The following ANXA2 variants were observed in gnomAD, a reference collection of about 807,000 sequenced individuals.
The protein encoded by ANXA2 is annexin A2.
A neutral mutation model predicts 47.3 loss-of-function variants in ANXA2; 28 were observed. The observed-to-expected ratio is 0.59, with a 90% confidence interval of 0.44 to 0.81. The LOEUF (loss-of-function observed/expected upper bound fraction) is 0.81, where lower values mean the gene tolerates loss of function less well. Among genes scored for constraint, ANXA2 ranks in the 40% least tolerant of loss-of-function variants. The pLI is 0.00. For missense variants in ANXA2, 384 were observed against 414.3 expected, an observed-to-expected ratio of 0.93 and a Z score of 0.64; for synonymous variants, 172 against 155.5, an observed-to-expected ratio of 1.11 and a Z score of -0.79.
chr15:60,372,252 C>T (rs2140879959), intron 3 of ANXA2, among the ~76,000 whole-genome samples: 1 of 152,234 alleles, frequency 6.6e-6, no homozygotes, highest in East Asian at 1.9e-4. Flanking sequence ...TCACCACACC[C>T]ATCTGAGGTG....
At chr15:60,369,689 G>A (rs909950144) in intron 3 of ANXA2, among the ~76,000 whole-genome samples, 2 of 152,204 alleles carry the variant, frequency 1.3e-5, no homozygotes, top group African/African-American at 4.8e-5. Flanking sequence ...ACTTGGGACC[G>A]AGGAAGCAGC....
At chr15:60,368,347 T>TAAAAAG (rs1566939519) in intron 3 of ANXA2, among the ~76,000 whole-genome samples, 8 of 149,362 alleles carry the variant, frequency 5.4e-5, no homozygotes, top group East Asian at 3.9e-4. Context: ...AAAATAAAAA[T>TAAAAAG]AAATCCAATT....
chr15:60,367,274 T>A (rs1364179126), intron 3 of ANXA2, among the ~76,000 whole-genome samples: 101 of 85,586 alleles, frequency 1.2e-3, no homozygotes, highest in South Asian at 2.4e-3. Flanking sequence ...GGTGGGGGGA[T>A]CAGCCCCCCG....
At chr15:60,389,416 G>A (rs1018554782) in intron 1 of ANXA2, among the ~76,000 whole-genome samples, 1 of 152,142 alleles carries the variant, frequency 6.6e-6, no homozygotes. Context: ...TGTCTTTCCA[G>A]CTCTGAGCTT....
At chr15:60,383,639 G>A (rs1194899821) in intron 2 of ANXA2, 1 of 152,202 alleles carries the variant, frequency 6.6e-6, no homozygotes, top group Non-Finnish European at 1.5e-5. Flanking sequence ...GTACATTGTG[G>A]TTGTGGTTGG....
chr15:60,361,123 T>A (rs2140826389), intron 4 of ANXA2, 69 bp from the exon 5 acceptor site: 1 of 1,074,856 alleles, frequency 9.3e-7, no homozygotes, highest in Non-Finnish European at 1.4e-6. Flanking sequence ...AAAACAAAAG[T>A]AAGAGGGATC....
rs1361922179 is a variant in ANXA2, at chr15:60,397,949, C to A, written c.-18G>T. 2.3e-5 allele frequency: 30 copies of A among 1,286,616 alleles called. No homozygotes were observed. The highest frequency in any genetic ancestry group is 2.9e-5 in the Non-Finnish European group (29 of 1,015,768). The allele number at this position is 1,286,616 out of a possible 1,614,324, so 79.7% of individuals were successfully genotyped here. A position where few individuals can be genotyped will look rare whatever the true frequency, so the allele number is the denominator to read the frequency against. ...CAGGGCGCGCCCCGCTTACCTGGGC[C>A]GTGCGCCGAGAGCTGAGAGCGTCCC... On this transcript the variant is annotated 5_prime_UTR_variant, in exon 1 of 13. Coordinates refer to ENST00000451270, the MANE Select transcript of ANXA2 (RefSeq NM_004039.3).
chr15:60,351,835 A>C lies in ANXA2; in HGVS notation c.683-16T>G. The C allele has an allele frequency of 6.4e-7, 1 of 1,561,904 alleles. No homozygotes were observed. Among genetic ancestry groups the C allele is most frequent in the African/African-American group, 1.4e-5 (1 of 73,932 alleles). ...CTATCAAATACTGAGGAAAAACAAC[A>C]AAGAGTTATCAGATCCGAGCCACTA... is the stretch of plus-strand genomic sequence containing the variant. On this transcript the variant is annotated splice_polypyrimidine_tract_variant and intron_variant, in intron 9 of 12. Transcript: ENST00000451270.
chr15:60,367,559 A>G (rs1347159543), intron 3 of ANXA2, among the ~76,000 whole-genome samples: 1 of 37,644 alleles, frequency 2.7e-5, no homozygotes, highest in African/African-American at 1.4e-4. Context: ...TCCGGGAGGG[A>G]GGTGGGGGGG....
intron 3 of ANXA2, among the ~76,000 whole-genome samples, chr15:60,381,436 G>A (rs1327206917): frequency 1.3e-5 from 2 of 152,130 alleles, no homozygotes; most frequent in Non-Finnish European, 1.5e-5. Context: ...GGGATTCAGG[G>A]GATGGGACAA....
intron 1 of ANXA2, 108 bp downstream of exon 1, chr15:60,397,835 G>T: frequency 1.5e-6 from 2 of 1,368,530 alleles, no homozygotes; most frequent in African/African-American, 3.0e-5. Flanking sequence ...GACGGCCTCC[G>T]GGGCCAGTTG....
At chr15:60,394,333 C>T (rs1255815121) in intron 1 of ANXA2, among the ~76,000 whole-genome samples, 2 of 152,160 alleles carry the variant, frequency 1.3e-5, no homozygotes, top group African/African-American at 4.8e-5. Flanking sequence ...GAAATTTCTA[C>T]ACCACACCTG....
chr15:60,364,503 C>A lies in ANXA2; in HGVS notation c.169G>T (p.Val57Phe), dbSNP rs1366284187. ...TTGCTGCGGTTGGTCAAAATGTTGA[C>A]AATGGTGACCTCATCCACACCTATG... ...KTKGVDEVTI[V>F]NILTNRSNAQ... The change falls in exon 4 of 13, where the codon GTC (valine) becomes TTC (phenylalanine). Residue 57 changes from valine (V) to phenylalanine (F), a missense_variant. Val to Phe is a conservative substitution (Grantham distance 50). Coordinates refer to ENST00000451270, the MANE Select transcript of ANXA2 (RefSeq NM_004039.3). 6.2e-7 allele frequency: 1 copy of A among 1,613,138 alleles called. No homozygotes were observed. The highest frequency in any genetic ancestry group is 1.3e-5 in the African/African-American group (1 of 74,870).
chr15:60,386,274 G>C (rs2062932305), intron 1 of ANXA2, 188 bp from the exon 2 acceptor site: 1 of 572,614 alleles, frequency 1.7e-6, no homozygotes, highest in Admixed American at 3.4e-5. Context: ...GTCTGCCTTG[G>C]GTTGGGATGG....
intron 1 of ANXA2, chr15:60,393,022 CTTTA>C (rs776938433): frequency 8.6e-6 from 11 of 1,285,124 alleles, no homozygotes; most frequent in South Asian, 7.5e-5. Flanking sequence ...CCTACTGCAT[CTTTA>C]TTTATCAGAA....
intron 3 of ANXA2, among the ~76,000 whole-genome samples, chr15:60,378,994 A>T (rs1220384005): frequency 6.6e-6 from 1 of 151,404 alleles, no homozygotes; most frequent in Non-Finnish European, 1.5e-5. Context: ...GTAAATAAAT[A>T]AATAGGCCAG....
chr15:60,347,948 G>A (rs541143952), intron 12 of ANXA2, among the ~76,000 whole-genome samples: 1 of 152,290 alleles, frequency 6.6e-6, no homozygotes, highest in South Asian at 2.1e-4. Flanking sequence ...GGAGTGCAAG[G>A]TGCTGAGGAT....
intron 8 of ANXA2, 113 bp downstream of exon 8, chr15:60,354,041 G>T (rs1566930911): frequency 1.9e-5 from 15 of 771,240 alleles, no homozygotes; most frequent in South Asian, 2.1e-5. Flanking sequence ...CATGTTTGTT[G>T]TTTTAAGCCA....
chr15:60,364,178 C>T (rs1458393532), intron 4 of ANXA2, among the ~76,000 whole-genome samples: 5 of 152,194 alleles, frequency 3.3e-5, no homozygotes, highest in African/African-American at 4.8e-5. Context: ...GAACTGCACA[C>T]GCGAGGGATC....
Sources: allele counts gnomAD v4.1 joint callset (sites outside exome capture counted in the v4.1 genomes callset), GRCh38; gene constraint gnomAD v4.1.1; transcripts MANE v1.5; gene names NCBI Gene and HGNC (gene_info 2026-07-23, HGNC 2026-07-21).